Variants in NNT observed in about 807,000 individuals in gnomAD.
NNT encodes NAD(P) transhydrogenase, mitochondrial.
Under a neutral mutation model 104.8 loss-of-function variants are expected in NNT, and 50 were observed. That is an observed-to-expected ratio of 0.48 (90% CI 0.38 to 0.60). The LOEUF (loss-of-function observed/expected upper bound fraction) is 0.60. NNT is among the 20% of genes least tolerant of loss of function. The pLI is 0.00. For missense variants in NNT, 1,131 were observed against 1,330.7 expected, an observed-to-expected ratio of 0.85 and a Z score of 2.33; for synonymous variants, 461 against 490.4, an observed-to-expected ratio of 0.94 and a Z score of 0.79.
At position 43,649,165 on chromosome 5, in the gene NNT, G is replaced by A; in HGVS notation, c.1463G>A (p.Gly488Asp). The A allele has an allele frequency of 6.2e-7, 1 of 1,614,168 alleles. No individual in the cohort carries two copies. Among genetic ancestry groups the A allele is most frequent in the Non-Finnish European group, 8.5e-7 (1 of 1,180,018 alleles). ...TCTCTAGGTCTCACAGGGATACTGG[G>A]TTTGGGCATTGCGGCTCCCAATCTA... ...AYTAGLTGIL[G>D]LGIAAPNLAF... The change falls in exon 11 of 22, where the codon GGT becomes GAT. Residue 488 changes from glycine (G) to aspartate (D), a missense_variant. Coordinates refer to ENST00000344920, the MANE Select transcript of NNT (RefSeq NM_182977.3).
At chr5:43,684,217 A>AT (rs34939917) in intron 19 of NNT, among the ~76,000 whole-genome samples, 664 of 143,852 alleles carry the variant, frequency 4.6e-3, no homozygotes, top group Middle Eastern at 0.011. Context: ...TTCTTTCATA[A>AT]TTTTTTTTTT....
At chr5:43,657,279 G>A (rs908310417) in intron 16 of NNT, among the ~76,000 whole-genome samples, 2 of 152,222 alleles carry the variant, frequency 1.3e-5, no homozygotes, top group African/African-American at 4.8e-5. Context: ...AAAAAACCCT[G>A]TATGCTCAGT....
At chr5:43,656,130 TC>T in intron 15 of NNT, 57 bp downstream of exon 15, 1 of 1,427,660 alleles carries the variant, frequency 7.0e-7, no homozygotes, top group South Asian at 1.2e-5. Flanking sequence ...CATTTAGGGA[TC>T]CATTTTAATT....
chr5:43,707,160 A>G lies in NNT; in HGVS notation c.*2756A>G, dbSNP rs543664621. 11 of 152,268 alleles carry G rather than the reference A, an allele frequency of 7.2e-5. No homozygotes were observed. Among genetic ancestry groups the G allele is most frequent in the African/African-American group, 2.6e-4 (11 of 41,560 alleles). The allele number at this position is 152,268 out of a possible 1,614,324, so 9.4% of individuals were successfully genotyped here. A position where few individuals can be genotyped will look rare whatever the true frequency, so the allele number is the denominator to read the frequency against. On this transcript the variant is annotated 3_prime_UTR_variant, in exon 22 of 22. Coordinates refer to ENST00000344920, the MANE Select transcript of NNT (RefSeq NM_182977.3). ...AACAGAAGCTATTTATAAAGAAGTT[A>G]TTTGCTGAAATAAATGTGATCTTTC...
At chr5:43,677,873 A>G in intron 19 of NNT, 67 bp downstream of exon 19, 1 of 1,259,260 alleles carries the variant, frequency 7.9e-7, no homozygotes, top group Non-Finnish European at 1.2e-6. Flanking sequence ...AAGGAAATAC[A>G]GTGGACCCTT....
intron 17 of NNT, among the ~76,000 whole-genome samples, chr5:43,661,389 T>TTTTA (rs372098953): frequency 0.03 from 4,598 of 151,164 alleles, 87 homozygotes; most frequent in African/African-American, 0.051. Context: ...AGAAAGTGGC[T>TTTTA]TTTATTTATT....
chr5:43,698,861 CACAT>C (rs1443120667), intron 19 of NNT, among the ~76,000 whole-genome samples: 2 of 150,296 alleles, frequency 1.3e-5, no homozygotes, highest in African/African-American at 4.9e-5. Flanking sequence ...TGCACACACA[CACAT>C]ATATATGTAG....
intron 12 of NNT, among the ~76,000 whole-genome samples, chr5:43,651,241 T>C (rs539290930): frequency 6.6e-6 from 1 of 152,298 alleles, no homozygotes; most frequent in East Asian, 1.9e-4. Context: ...TTAGTGTTTT[T>C]TCCCCCACCT....
In NNT at chr5:43,617,236, G is replaced by A. The variant is rs75604222; in HGVS notation, c.599+1171G>A. 4.9e-3 allele frequency among the ~76,000 whole-genome samples: 753 copies of A among 152,266 alleles called. 6 individuals carry two copies. Among genetic ancestry groups the A allele is most frequent in the African/African-American group, 0.016 (663 of 41,550 alleles). The stretch of plus-strand genomic sequence containing the variant: ...ATGTGAAAGAATATCAAAACCAGTC[G>A]CTCTAGATCAAGTGGTTTTAGCTGT... On this transcript the variant is annotated intron_variant, in intron 4 of 21. Transcript: ENST00000344920.
intron 19 of NNT, among the ~76,000 whole-genome samples, chr5:43,684,940 A>G (rs1051391161): frequency 2.0e-5 from 3 of 152,218 alleles, no homozygotes; most frequent in African/African-American, 7.2e-5. Context: ...AGAATGTAAC[A>G]CTGCCACATA....
chr5:43,662,330 C>T (rs1389778920), intron 17 of NNT, among the ~76,000 whole-genome samples: 2 of 152,094 alleles, frequency 1.3e-5, no homozygotes, highest in Non-Finnish European at 2.9e-5. Flanking sequence ...TGAAAGTACT[C>T]TCTTCTACGT....
At chr5:43,663,359 A>G (rs1026810873) in intron 17 of NNT, among the ~76,000 whole-genome samples, 1 of 152,180 alleles carries the variant, frequency 6.6e-6, no homozygotes, top group Non-Finnish European at 1.5e-5. Flanking sequence ...TCACCAGTCA[A>G]AGCTCTTACT....
intron 17 of NNT, chr5:43,667,205 G>A (rs114147684): frequency 0.031 from 41,101 of 1,319,534 alleles, 1,266 homozygotes; most frequent in African/African-American, 0.14. Context: ...GACTGGTTGT[G>A]TGTAGTGTGG....
At position 43,609,375 on chromosome 5, in the gene NNT, G is replaced by C. The variant is rs781122686; in HGVS notation, c.151+29G>C. On this transcript the variant is annotated intron_variant, in intron 2 of 21. Coordinates refer to ENST00000344920, the MANE Select transcript of NNT (RefSeq NM_182977.3). Reference sequence around the variant, plus strand: ...AAGTCTCACTTCAGTGATTGTAAATGAAACCTTCAAGTCATAGGAACTAAT... The same window carrying C: ...AAGTCTCACTTCAGTGATTGTAAATCAAACCTTCAAGTCATAGGAACTAAT... 5.0e-6 allele frequency: 8 copies of C among 1,609,890 alleles called. No individual in the cohort carries two copies. The African/African-American group carries it at 8.0e-5, about 16-fold the overall frequency.
intron 19 of NNT, among the ~76,000 whole-genome samples, chr5:43,690,465 G>A (rs1263111979): frequency 6.6e-6 from 1 of 152,178 alleles, no homozygotes; most frequent in Non-Finnish European, 1.5e-5. Context: ...GGAATTAGGA[G>A]ATGCTTATTG....
chr5:43,671,094 T>C (rs910648443), intron 17 of NNT, among the ~76,000 whole-genome samples: 2 of 152,226 alleles, frequency 1.3e-5, no homozygotes, highest in Non-Finnish European at 2.9e-5. Context: ...TATCAGCGAC[T>C]AGGATTGTAA....
Position 43,649,131 on chromosome 5 carries a change from T to TA in NNT, c.1445-15dup. Reference sequence around the variant, plus strand: ...TGGATGTCAGCTCAAACACACTCTTTACTCTCTTTCTCTAGGTCTCACAGG... The same window carrying TA: ...TGGATGTCAGCTCAAACACACTCTTTAACTCTCTTTCTCTAGGTCTCACAGG... On this transcript the variant is annotated splice_polypyrimidine_tract_variant and intron_variant, in intron 10 of 21. Coordinates refer to ENST00000344920, the MANE Select transcript of NNT (RefSeq NM_182977.3). 1 of 1,613,746 alleles carries TA rather than the reference T, an allele frequency of 6.2e-7. No individual in the cohort carries two copies. Among genetic ancestry groups the TA allele is most frequent in the Non-Finnish European group, 8.5e-7 (1 of 1,179,718 alleles).
intron 19 of NNT, among the ~76,000 whole-genome samples, chr5:43,683,804 AT>A (rs547322791): frequency 1.3e-5 from 2 of 150,848 alleles, no homozygotes; most frequent in East Asian, 1.9e-4. Context: ...TGCAAATTGA[AT>A]TTTTTTTTTC....
rs182379499 is a variant in NNT, at chr5:43,687,994, C to G, written c.2876+10188C>G. On this transcript the variant is annotated intron_variant, in intron 19 of 21. Coordinates refer to ENST00000344920, the MANE Select transcript of NNT (RefSeq NM_182977.3). ...TCAAGGAAGGATATAAAATTGAAAT[C>G]CAAAAGTAATCACAACGTATATATT... Among the ~76,000 whole-genome samples the G allele has an allele frequency of 4.6e-5, 7 of 152,086 alleles. No homozygotes were observed. In the East Asian group the frequency reaches 1.4e-3, roughly 29 times the overall value.
Sources: gnomAD v4.1 joint callset for allele counts (sites outside exome capture counted in the v4.1 genomes callset) on GRCh38, gnomAD v4.1.1 for gene constraint, MANE v1.5 for transcripts, NCBI Gene and HGNC (gene_info 2026-07-23, HGNC 2026-07-21) for gene names.